IL7: variants seen among roughly 807,000 people sequenced by gnomAD.
The protein encoded by IL7 is interleukin 7, also known as interleukin-7.
A neutral mutation model predicts 21.6 loss-of-function variants in IL7; 3 were observed. That is an observed-to-expected ratio of 0.14 (90% CI 0.06 to 0.36). The LOEUF (loss-of-function observed/expected upper bound fraction) is 0.36. Ranked by LOEUF, IL7 falls within the 10% of genes least tolerant of loss-of-function variation. IL7 has a pLI of 1.00. For synonymous variants in IL7, 62 were observed against 68.1 expected (o/e 0.91, Z 0.44); for missense variants, 175 against 200.2 (o/e 0.87, Z 0.76).
At chr8:78,711,318 GCA>G (rs1014429231) in intron 3 of IL7, among the ~76,000 whole-genome samples, 36 of 152,154 alleles carry the variant, frequency 2.4e-4, no homozygotes, top group African/African-American at 7.5e-4. Flanking sequence ...CTACAAACCT[GCA>G]GTTTGTCCTG....
At chr8:78,693,350 A>G (rs906550394) in intron 3 of IL7, among the ~76,000 whole-genome samples, 12 of 151,972 alleles carry the variant, frequency 7.9e-5, no homozygotes, top group Non-Finnish European at 1.3e-4. Context: ...TCCCACCAAC[A>G]GTGTAAAAGT....
chr8:78,730,172 A>G (rs1189939052), downstream of IL7, among the ~76,000 whole-genome samples: 1 of 151,944 alleles, frequency 6.6e-6, no homozygotes, highest in Non-Finnish European at 1.5e-5. Context: ...CCTCTCCCCC[A>G]TTTAGAAAAT....
chr8:78,677,390 T>A (rs1402114614), intron 4 of IL7, among the ~76,000 whole-genome samples: 3 of 151,962 alleles, frequency 2.0e-5, no homozygotes, highest in African/African-American at 7.2e-5. Context: ...GAACACTAGA[T>A]AAGCTCAAGA....
At chr8:78,705,043 G>T (rs1810727504) in intron 3 of IL7, among the ~76,000 whole-genome samples, 1 of 152,144 alleles carries the variant, frequency 6.6e-6, no homozygotes, top group East Asian at 1.9e-4. Context: ...GGATTACAAT[G>T]TATTGCTTTA....
At position 78,762,768 on chromosome 8, in the gene IL7, T is replaced by A. The variant is rs559262682; in HGVS notation, c.148-22686A>T. Among the ~76,000 whole-genome samples, 11 of 152,228 alleles carry A rather than the reference T, an allele frequency of 7.2e-5. No homozygotes were observed. In the East Asian group the frequency reaches 7.7e-4, roughly 11 times the overall value. ...TTTCAGGCTTTTTAACATATTTACA[T>A]TTCTTTGGGATATTTTACTGAAGAA... On this transcript the variant is annotated intron_variant, in intron 2 of 5. Transcript: ENST00000263851.
chr8:78,728,911 A>G (rs777728568), downstream of IL7, among the ~76,000 whole-genome samples: 1 of 151,954 alleles, frequency 6.6e-6, no homozygotes, highest in African/African-American at 2.4e-5. Flanking sequence ...TAAAGAGTGT[A>G]TGGGAATGCT....
chr8:78,686,419 A>G, intron 3 of IL7: 3 of 1,277,018 alleles, frequency 2.3e-6, no homozygotes, highest in Non-Finnish European at 3.0e-6. Context: ...ATATACTAAA[A>G]AGATACTGTT....
intron 3 of IL7, among the ~76,000 whole-genome samples, chr8:78,722,466 T>G (rs1811258612): frequency 6.6e-6 from 1 of 152,036 alleles, no homozygotes; most frequent in Non-Finnish European, 1.5e-5. Context: ...ATTTTCAGGA[T>G]GTGTAAGAAA....
intron 4 of IL7, among the ~76,000 whole-genome samples, chr8:78,677,259 T>G (rs554328656): frequency 2.6e-5 from 4 of 152,202 alleles, no homozygotes; most frequent in Non-Finnish European, 4.4e-5. Flanking sequence ...GGGAGAATGT[T>G]TATCCAGTTG....
intron 3 of IL7, among the ~76,000 whole-genome samples, chr8:78,693,015 A>G (rs1205075934): frequency 6.6e-6 from 1 of 151,876 alleles, no homozygotes; most frequent in African/African-American, 2.4e-5. Context: ...GTTTGCTGAG[A>G]ATGATGGTTT....
At chr8:78,737,467 A>G (rs1811631824) in intron 4 of IL7, among the ~76,000 whole-genome samples, 1 of 152,108 alleles carries the variant, frequency 6.6e-6, no homozygotes, top group Non-Finnish European at 1.5e-5. Flanking sequence ...TTATAGAAAA[A>G]AAAAGTAGAA....
At chr8:78,679,040 C>T (rs1809676344) in intron 4 of IL7, 2 of 154,710 alleles carry the variant, frequency 1.3e-5, no homozygotes, top group African/African-American at 4.8e-5. Flanking sequence ...TCATCTTCTA[C>T]CATTATGATA....
At chr8:78,686,695 T>G (rs1208628639) in intron 3 of IL7, 3 of 1,318,042 alleles carry the variant, frequency 2.3e-6, no homozygotes, top group Non-Finnish European at 2.9e-6. Flanking sequence ...TAAGCTTAAC[T>G]TACAATCATG....
Position 78,733,640 on chromosome 8 carries a change from A to G in IL7, c.*73T>C. On this transcript the variant is annotated 3_prime_UTR_variant, in exon 6 of 6. Coordinates refer to ENST00000263851, the MANE Select transcript of IL7 (RefSeq NM_000880.4). ...CTTCTAGGAAGCATTCCACTCTGAA[A>G]AACTGCATAAGCAGATAGATTCTTG... 1 of 1,511,110 alleles carries G rather than the reference A, an allele frequency of 6.6e-7. No individual in the cohort carries two copies. The allele number at this position is 1,511,110 out of a possible 1,614,324, so 93.6% of individuals were successfully genotyped here. A position where few individuals can be genotyped will look rare whatever the true frequency, so the allele number is the denominator to read the frequency against.
chr8:78,792,661 C>T (rs1227575185), intron 2 of IL7, among the ~76,000 whole-genome samples: 1 of 151,928 alleles, frequency 6.6e-6, no homozygotes, highest in Non-Finnish European at 1.5e-5. Flanking sequence ...CTGATAATAA[C>T]AGCCAATAAT....
intron 3 of IL7, among the ~76,000 whole-genome samples, chr8:78,725,234 G>A (rs957555308): frequency 1.1e-4 from 16 of 151,954 alleles, no homozygotes; most frequent in African/African-American, 3.9e-4. Context: ...CCATTTCCTA[G>A]TGAGGATGGT....
At chr8:78,741,488 T>A (rs992805436) in intron 2 of IL7, among the ~76,000 whole-genome samples, 2 of 152,244 alleles carry the variant, frequency 1.3e-5, no homozygotes, top group African/African-American at 4.8e-5. Context: ...CTACTCTATA[T>A]GTTATCTTCC....
chr8:78,781,468 G>A (rs1813328759), intron 2 of IL7, among the ~76,000 whole-genome samples: 1 of 152,038 alleles, frequency 6.6e-6, no homozygotes, highest in Non-Finnish European at 1.5e-5. Context: ...TTTCTCCTTT[G>A]CTTATGAAGC....
At chr8:78,704,600 C>T (rs1337273160) in intron 3 of IL7, among the ~76,000 whole-genome samples, 1 of 152,168 alleles carries the variant, frequency 6.6e-6, no homozygotes, top group East Asian at 1.9e-4. Context: ...TCATGAGTAT[C>T]TTACTGGGGT....
Sources: gnomAD v4.1 joint callset for allele counts (sites outside exome capture counted in the v4.1 genomes callset) on GRCh38, gnomAD v4.1.1 for gene constraint, MANE v1.5 for transcripts, NCBI Gene and HGNC (gene_info 2026-07-23, HGNC 2026-07-21) for gene names.